USP48: variants seen among roughly 807,000 people sequenced by gnomAD.
USP48 encodes ubiquitin carboxyl-terminal hydrolase 48.
USP48 carries 43 observed loss-of-function variants against 150.7 expected under a neutral mutation model. The ratio of observed to expected loss-of-function variants is 0.29; its 90% CI spans 0.22 to 0.37. The LOEUF (loss-of-function observed/expected upper bound fraction) is 0.37. Among genes scored for constraint, USP48 ranks in the 10% least tolerant of loss-of-function variants. The pLI is 1.00. For missense variants in USP48, 813 were observed against 1,249.6 expected, an observed-to-expected ratio of 0.65 and a Z score of 5.27; for synonymous variants, 396 against 425.9, an observed-to-expected ratio of 0.93 and a Z score of 0.86.
chr1:21,739,101 T>G (rs925820366), intron 8 of USP48, among the ~76,000 whole-genome samples: 1 of 152,160 alleles, frequency 6.6e-6, no homozygotes, highest in African/African-American at 2.4e-5. Flanking sequence ...GGGAACACTA[T>G]GATCGACTTG....
intron 3 of USP48, among the ~76,000 whole-genome samples, chr1:21,755,402 A>G (rs2097829835): frequency 2.0e-5 from 3 of 152,088 alleles, no homozygotes; most frequent in African/African-American, 7.2e-5. Context: ...CTCCAAAAAA[A>G]ACACAAAAAT....
intron 15 of USP48, among the ~76,000 whole-genome samples, chr1:21,708,393 G>A (rs574265554): frequency 1.3e-5 from 2 of 152,110 alleles, no homozygotes; most frequent in Admixed American, 1.3e-4. Flanking sequence ...AGCTACTCAG[G>A]AGGCTGAGGC....
intron 9 of USP48, among the ~76,000 whole-genome samples, chr1:21,731,671 A>C (rs998809864): frequency 2.0e-5 from 3 of 151,014 alleles, no homozygotes. Flanking sequence ...ACCTGAGGTC[A>C]GGAGTTCGAG....
chr1:21,708,285 G>A (rs1469384889), intron 15 of USP48, among the ~76,000 whole-genome samples: 1 of 150,842 alleles, frequency 6.6e-6, no homozygotes, highest in African/African-American at 2.4e-5. Flanking sequence ...CAGATCACGA[G>A]GTCAGGAGTT....
chr1:21,723,840 A>G (rs2152546640), intron 12 of USP48, 58 bp downstream of exon 12: 5 of 1,470,830 alleles, frequency 3.4e-6, no homozygotes, highest in Admixed American at 1.7e-5. Flanking sequence ...CATAAAGACC[A>G]TAAGATGAAG....
intron 25 of USP48, chr1:21,686,879 G>A (rs1374764324): frequency 6.3e-6 from 2 of 316,924 alleles, no homozygotes; most frequent in Non-Finnish European, 1.2e-5. Context: ...CACCTTCAGA[G>A]GTACCTAGGC....
chr1:21,744,767 ACT>A (rs1329920324), intron 8 of USP48, among the ~76,000 whole-genome samples: 1 of 118,052 alleles, frequency 8.5e-6, no homozygotes, highest in Non-Finnish European at 1.7e-5. Context: ...ACAGAATGAA[ACT>A]CTATCTCTAA....
intron 1 of USP48, among the ~76,000 whole-genome samples, chr1:21,779,790 G>A (rs2097909992): frequency 6.6e-6 from 1 of 152,068 alleles, no homozygotes; most frequent in Non-Finnish European, 1.5e-5. Flanking sequence ...TCAATAAAAG[G>A]AAAAGAGGCA....
intron 1 of USP48, among the ~76,000 whole-genome samples, chr1:21,766,972 G>A (rs2097863660): frequency 6.6e-6 from 1 of 152,116 alleles, no homozygotes; most frequent in Non-Finnish European, 1.5e-5. Context: ...GCTGAGGCAG[G>A]AGAATCGCCT....
chr1:21,765,901 C>CAAAAAAAAAAAAAAAA (rs199539331), intron 1 of USP48, among the ~76,000 whole-genome samples: 4 of 112,162 alleles, frequency 3.6e-5, no homozygotes, highest in African/African-American at 1.2e-4. Flanking sequence ...ACTCCATCTC[C>CAAAAAAAAAAAAAAAA]AAAAAAAAAA....
At chr1:21,775,717 G>A (rs752486099) in intron 1 of USP48, among the ~76,000 whole-genome samples, 4 of 152,166 alleles carry the variant, frequency 2.6e-5, no homozygotes, top group South Asian at 2.1e-4. Context: ...CCCTATACAC[G>A]GCTGGAAGCA....
At chr1:21,777,791 C>T (rs2097903411) in intron 1 of USP48, among the ~76,000 whole-genome samples, 1 of 151,848 alleles carries the variant, frequency 6.6e-6, no homozygotes, top group Non-Finnish European at 1.5e-5. Flanking sequence ...AAAATATTTG[C>T]AAATCATATA....
Position 21,763,260 on chromosome 1 carries a change from G to A in USP48, c.135-5477C>T, listed in dbSNP as rs139334698. 1.7e-3 allele frequency among the ~76,000 whole-genome samples: 255 copies of A among 152,132 alleles called. 1 individual carries two copies. Among genetic ancestry groups the A allele is most frequent in the African/African-American group, 5.1e-3 (211 of 41,506 alleles). On this transcript the variant is annotated intron_variant, in intron 1 of 26. Coordinates refer to ENST00000308271, the MANE Select transcript of USP48 (RefSeq NM_032236.8). ...GGTATCACTGAATACGTCTTCAGTCGGCTAGAACACCACCACAGCAGAATG... is the reference window on the plus strand; with the variant it reads ...GGTATCACTGAATACGTCTTCAGTCAGCTAGAACACCACCACAGCAGAATG...
intron 9 of USP48, among the ~76,000 whole-genome samples, chr1:21,730,727 G>C (rs1391041436): frequency 3.3e-5 from 5 of 151,356 alleles, no homozygotes; most frequent in African/African-American, 4.8e-5. Context: ...AATCACTAAA[G>C]GGAATATGGG....
At chr1:21,771,892 TG>T (rs1465442188) in intron 1 of USP48, among the ~76,000 whole-genome samples, 6 of 150,436 alleles carry the variant, frequency 4.0e-5, no homozygotes, top group Admixed American at 6.7e-5. Context: ...CACTCCAGCC[TG>T]GGCAACAAGA....
At chr1:21,680,706 A>G (rs1252255881) in intron 26 of USP48, 102 bp downstream of exon 26, 3 of 1,125,940 alleles carry the variant, frequency 2.7e-6, no homozygotes, top group African/African-American at 3.3e-5. Context: ...CATGAGACTC[A>G]GATTGGATTA....
intron 14 of USP48, 109 bp from the exon 15 acceptor site, chr1:21,715,566 T>C: frequency 1.7e-6 from 1 of 597,986 alleles, no homozygotes; most frequent in South Asian, 2.8e-5. Context: ...ACTTTAAAAC[T>C]CTGAAAATTA....
chr1:21,766,507 A>C (rs1472620706), intron 1 of USP48, among the ~76,000 whole-genome samples: 2 of 152,132 alleles, frequency 1.3e-5, no homozygotes. Flanking sequence ...GTTTTGGTAG[A>C]TCTCCAATGA....
At chr1:21,752,737 A>G in intron 4 of USP48, 86 bp from the exon 5 acceptor site, 1 of 1,400,544 alleles carries the variant, frequency 7.1e-7, no homozygotes. Context: ...CATTCCAGAA[A>G]CTACCTATAC....
Sources: gnomAD v4.1 joint callset for allele counts (sites outside exome capture counted in the v4.1 genomes callset) on GRCh38, gnomAD v4.1.1 for gene constraint, MANE v1.5 for transcripts, NCBI Gene and HGNC (gene_info 2026-07-23, HGNC 2026-07-21) for gene names.